The following EMG1 variants were observed in gnomAD, a reference collection of about 807,000 sequenced individuals.
EMG1 encodes the protein ribosomal RNA small subunit methyltransferase NEP1.
In EMG1, 24 loss-of-function variants were observed where a neutral mutation model predicts 26.9. The observed-to-expected ratio is 0.89, with a 90% confidence interval of 0.65 to 1.26. EMG1 has a LOEUF of 1.26. EMG1 is among the 50% of genes most tolerant of loss of function. EMG1 has a pLI of 0.00. For synonymous variants in EMG1, 140 were observed against 112.6 expected, an observed-to-expected ratio of 1.24 and a Z score of -1.54; for missense variants, 299 against 307.6, an observed-to-expected ratio of 0.97 and a Z score of 0.21.
At chr12:6,991,808 C>T (rs1241782101), downstream of EMG1, among the ~76,000 whole-genome samples, 1 of 152,142 alleles carries the variant, frequency 6.6e-6, no homozygotes, top group Non-Finnish European at 1.5e-5. Flanking sequence ...TGAATAATCG[C>T]CCAAATGCTT....
Position 6,978,425 on chromosome 12 carries a change from A to G in EMG1, c.*2616A>G, listed in dbSNP as rs1946434126. ...GTTTGTTTCAAAGAGCCACACCTTC[A>G]TGTTGGCACAGGCATCCCACTTTGC... On this transcript the variant is annotated 3_prime_UTR_variant, in exon 6 of 6. Coordinates refer to ENST00000599672, the MANE Select transcript of EMG1 (RefSeq NM_006331.8). 6.2e-7 allele frequency: 1 copy of G among 1,614,126 alleles called. No individual in the cohort carries two copies. The highest frequency in any genetic ancestry group is 1.3e-5 in the African/African-American group (1 of 75,036).
At chr12:6,994,365 G>A (rs1305142916) in intron 7 of EMG1, among the ~76,000 whole-genome samples, 1 of 152,038 alleles carries the variant, frequency 6.6e-6, no homozygotes, top group Non-Finnish European at 1.5e-5. Flanking sequence ...GCACCACCAT[G>A]CCCAGCTAAT....
At chr12:6,994,949 A>C (rs2138347153) in intron 7 of EMG1, among the ~76,000 whole-genome samples, 1 of 152,306 alleles carries the variant, frequency 6.6e-6, no homozygotes, top group East Asian at 1.9e-4. Context: ...ACTCTCAAGT[A>C]ACTTAATATA....
Position 6,978,630 on chromosome 12 carries a change from G to A in EMG1, c.*2821G>A, listed in dbSNP as rs782163727. ...TGACCAGCCAACAGGTGACATATTT[G>A]TACAGCACAAACTTGCCCCAGATCA... On this transcript the variant is annotated 3_prime_UTR_variant, in exon 6 of 6. Transcript: ENST00000599672. 36 of 1,614,042 alleles carry A rather than the reference G, an allele frequency of 2.2e-5. No homozygotes were observed. Among genetic ancestry groups the A allele is most frequent in the Non-Finnish European group, 2.5e-5 (29 of 1,180,036 alleles).
At chr12:6,984,688 G>A (rs1372067935), downstream of EMG1, among the ~76,000 whole-genome samples, 2 of 152,192 alleles carry the variant, frequency 1.3e-5, no homozygotes, top group Admixed American at 6.5e-5. Context: ...CTGGGCTCAA[G>A]TGATCCTCCA....
downstream of EMG1, chr12:6,983,587 TC>T: frequency 7.9e-7 from 1 of 1,263,948 alleles, no homozygotes; most frequent in Non-Finnish European, 1.1e-6. Context: ...CCTGGTGCCA[TC>T]CCAGTTTGGT....
In EMG1 at chr12:6,987,910, C is replaced by A. The variant is rs191184931; in HGVS notation, c.*211+72C>A. On this transcript the variant is annotated intron_variant and NMD_transcript_variant, in intron 7 of 7. Transcript: ENST00000261406. This position sits in a 1 kb window ranked among gnomAD's most constrained non-coding sequence, Gnocchi z 4.1. ...GAGTTCTGAGTTCTTGTGTCCACTTCTTATAGCCTGTCTGTCCCTTTCCTT... is the reference window on the plus strand; with the variant it reads ...GAGTTCTGAGTTCTTGTGTCCACTTATTATAGCCTGTCTGTCCCTTTCCTT... The A allele has an allele frequency of 5.0e-6, 2 of 400,406 alleles. No homozygotes were observed. The highest frequency in any genetic ancestry group is 4.1e-5 in the African/African-American group (2 of 48,818). The allele number at this position is 400,406 out of a possible 1,614,324, so 24.8% of individuals were successfully genotyped here. A position where few individuals can be genotyped will look rare whatever the true frequency, so the allele number is the denominator to read the frequency against.
downstream of EMG1, among the ~76,000 whole-genome samples, chr12:6,991,019 TATAA>T (rs1946584792): frequency 6.6e-6 from 1 of 151,766 alleles, no homozygotes; most frequent in African/African-American, 2.4e-5. Flanking sequence ...ATTATATTAA[TATAA>T]ATAACATACT....
intron 1 of EMG1, 70 bp from the exon 2 acceptor site, chr12:6,974,269 C>A: frequency 8.6e-7 from 1 of 1,163,166 alleles, no homozygotes; most frequent in Non-Finnish European, 1.3e-6. Context: ...TTGGGGACCA[C>A]ACTTGAAGAA....
At position 6,976,981 on chromosome 12, in the gene EMG1, A is replaced by G. The variant is rs1331699578; in HGVS notation, c.*1172A>G. On this transcript the variant is annotated 3_prime_UTR_variant, in exon 6 of 6. Transcript: ENST00000599672. ...TCCAGATGTTTCCTAGCATGCCTCA[A>G]TAAGTCACAGTAGTCATTGCCCATA... 4 of 618,798 alleles carry G rather than the reference A, an allele frequency of 6.5e-6. No individual in the cohort carries two copies. Among genetic ancestry groups the G allele is most frequent in the African/African-American group, 1.8e-5 (1 of 55,262 alleles). The allele number at this position is 618,798 out of a possible 1,614,324, so 38.3% of individuals were successfully genotyped here.
At chr12:6,994,234 G>GTC (rs1322201553) in intron 7 of EMG1, among the ~76,000 whole-genome samples, 1 of 152,110 alleles carries the variant, frequency 6.6e-6, no homozygotes, top group African/African-American at 2.4e-5. Context: ...TTGGGACAGA[G>GTC]TCTCTCTGTG....
rs1555152823 is a variant in EMG1, at chr12:6,974,655, G to A, written c.374G>A (p.Arg125Gln). 1 of 1,613,810 alleles carries A rather than the reference G, an allele frequency of 6.2e-7. No homozygotes were observed. The highest frequency in any genetic ancestry group is 1.7e-5 in the Admixed American group (1 of 59,996). ...CTGATTGAAGTGAATCCCCAGACCCGAATTCCCAGAACCTTTGACCGCTTT... is the reference window on the plus strand; with the variant it reads ...CTGATTGAAGTGAATCCCCAGACCCAAATTCCCAGAACCTTTGACCGCTTT... ...NVLIEVNPQTRIPRTFDRFCG... is the reference protein window; with the variant it reads ...NVLIEVNPQTQIPRTFDRFCG... The change falls in exon 3 of 6, where the codon CGA (arginine) becomes CAA (glutamine). Residue 125 changes from arginine to glutamine, a missense_variant. By Grantham distance (43) the Arg-to-Gln change is conservative. Transcript: ENST00000599672.
downstream of EMG1, among the ~76,000 whole-genome samples, chr12:6,982,231 G>A (rs1000224637): frequency 4.6e-5 from 7 of 152,080 alleles, no homozygotes; most frequent in Non-Finnish European, 1.0e-4. Context: ...TAGAGATGGG[G>A]TTTCACCATG....
chr12:6,980,685 C>T (rs1215252960), downstream of EMG1: 3 of 176,154 alleles, frequency 1.7e-5, no homozygotes, highest in Non-Finnish European at 2.4e-5. Context: ...ATCAACCTGC[C>T]TACCTACCTA....
In EMG1 at chr12:6,978,390, T is replaced by G. The variant is rs1555153596; in HGVS notation, c.*2581T>G. ...ATGTTGAATGAGGCAATGGTGCCAG[T>G]GAAGCGGGGGTTTGTTTCAAAGAGC... is the stretch of plus-strand genomic sequence containing the variant. On this transcript the variant is annotated 3_prime_UTR_variant, in exon 6 of 6. Transcript: ENST00000599672. 1 of 1,613,716 alleles carries G rather than the reference T, an allele frequency of 6.2e-7. No homozygotes were observed. The highest frequency in any genetic ancestry group is 1.7e-5 in the Admixed American group (1 of 59,990).
chr12:6,984,346 G>A (rs1282512517), downstream of EMG1, among the ~76,000 whole-genome samples: 7 of 152,144 alleles, frequency 4.6e-5, no homozygotes, highest in Admixed American at 6.5e-5. Context: ...AATTAAAAAC[G>A]GTCAATAAAA....
chr12:6,986,448 T>C (rs1946526702), intron 6 of EMG1, among the ~76,000 whole-genome samples: 1 of 152,172 alleles, frequency 6.6e-6, no homozygotes, highest in Non-Finnish European at 1.5e-5. Context: ...TTGTTTATGC[T>C]ATTGGTAAGT....
At chr12:6,983,290 G>T, downstream of EMG1, 2 of 655,182 alleles carry the variant, frequency 3.1e-6, no homozygotes, top group Non-Finnish European at 5.5e-6. Flanking sequence ...GTTAAGCTGT[G>T]TTCCTCTTCA....
chr12:6,975,005 T>A (rs950073525), intron 3 of EMG1, 85 bp from the exon 4 acceptor site: 1 of 1,355,540 alleles, frequency 7.4e-7, no homozygotes, highest in Admixed American at 1.7e-5. Flanking sequence ...GAACTCATCT[T>A]ATCCATGGGG....
Sources: allele counts gnomAD v4.1 joint callset (sites outside exome capture counted in the v4.1 genomes callset), GRCh38; gene constraint gnomAD v4.1.1; non-coding constraint Gnocchi (gnomAD v3.1); transcripts MANE v1.5; gene names NCBI Gene and HGNC (gene_info 2026-07-23, HGNC 2026-07-21).